The following KCND2 variants were observed in gnomAD, a reference collection of about 807,000 sequenced individuals.
KCND2 encodes A-type voltage-gated potassium channel KCND2.
Under a neutral mutation model 54.4 loss-of-function variants are expected in KCND2, and 16 were observed. The ratio of observed to expected loss-of-function variants is 0.29; its 90% CI spans 0.20 to 0.45. The LOEUF is 0.45. KCND2 is among the 20% of genes least tolerant of loss of function. The pLI is 1.00. For synonymous variants in KCND2, 317 were observed against 310.7 expected, an observed-to-expected ratio of 1.02 and a Z score of -0.21; for missense variants, 486 against 824.2, an observed-to-expected ratio of 0.59 and a Z score of 5.02.
At chr7:120,286,597 T>C (rs562053174) in intron 1 of KCND2, among the ~76,000 whole-genome samples, 8 of 152,064 alleles carry the variant, frequency 5.3e-5, no homozygotes, top group African/African-American at 1.9e-4. Flanking sequence ...AGTAGACAAT[T>C]AGGCAGGAAA....
chr7:120,709,054 A>G (rs1471395334), intron 1 of KCND2, among the ~76,000 whole-genome samples: 1 of 152,094 alleles, frequency 6.6e-6, no homozygotes, highest in Non-Finnish European at 1.5e-5. Context: ...ATTAACCACC[A>G]TGTTACCCTG....
intron 1 of KCND2, among the ~76,000 whole-genome samples, chr7:120,647,645 T>A (rs750982864): frequency 1.3e-5 from 2 of 152,250 alleles, no homozygotes; most frequent in African/African-American, 2.4e-5. Context: ...TTCATTTGCA[T>A]GAATGGCTTA....
At chr7:120,381,140 A>G (rs1316020944) in intron 1 of KCND2, among the ~76,000 whole-genome samples, 1 of 152,006 alleles carries the variant, frequency 6.6e-6, no homozygotes, top group Non-Finnish European at 1.5e-5. Flanking sequence ...CTGTAATCCC[A>G]GCTATTTGGG....
At chr7:120,492,246 G>A (rs1802793598) in intron 1 of KCND2, among the ~76,000 whole-genome samples, 1 of 151,902 alleles carries the variant, frequency 6.6e-6, no homozygotes, top group Admixed American at 6.6e-5. Flanking sequence ...AACTTAATAT[G>A]TTATTTAGAA....
chr7:120,282,078 C>T (rs1799272778), intron 1 of KCND2, among the ~76,000 whole-genome samples: 1 of 152,028 alleles, frequency 6.6e-6, no homozygotes, highest in Admixed American at 6.6e-5. Context: ...TGGTGAAGTC[C>T]AGGTAAATTG....
chr7:120,700,489 C>G (rs1005313996), intron 1 of KCND2, among the ~76,000 whole-genome samples: 3 of 152,208 alleles, frequency 2.0e-5, no homozygotes, highest in Admixed American at 6.5e-5. Context: ...CATAAACAGG[C>G]TATCTCTTAG....
chr7:120,733,112 T>G, intron 2 of KCND2, 47 bp downstream of exon 2: 2 of 1,595,512 alleles, frequency 1.3e-6, no homozygotes, highest in South Asian at 1.1e-5. Context: ...TTCCCACTTT[T>G]TATAATGAGC....
At chr7:120,680,911 G>A (rs1036241690) in intron 1 of KCND2, among the ~76,000 whole-genome samples, 1 of 139,812 alleles carries the variant, frequency 7.2e-6, no homozygotes, top group Non-Finnish European at 1.5e-5. Context: ...TACTAAATGA[G>A]AAGGAGCAGT....
intron 1 of KCND2, among the ~76,000 whole-genome samples, chr7:120,676,194 G>A (rs1215210967): frequency 1.3e-5 from 2 of 152,010 alleles, no homozygotes; most frequent in Non-Finnish European, 2.9e-5. Context: ...TTCAACAAAT[G>A]GCTGTTGTTT....
In KCND2 at chr7:120,603,077, T is replaced by A. The variant is rs573522057; in HGVS notation, c.1116-129826T>A. 1.4e-4 allele frequency among the ~76,000 whole-genome samples: 21 copies of A among 152,232 alleles called. No homozygotes were observed. The South Asian group carries it at 4.4e-3, about 32-fold the overall frequency. On this transcript the variant is annotated intron_variant, in intron 1 of 5. Transcript: ENST00000331113. ...AAATAACACTACTAAATAACACAAG[T>A]AAACGGAATGAAAAGATCTACCTTA...
chr7:120,435,215 T>C (rs561008613), intron 1 of KCND2, among the ~76,000 whole-genome samples: 11 of 151,546 alleles, frequency 7.3e-5, no homozygotes, highest in Non-Finnish European at 1.6e-4. Context: ...CAAGTGATTC[T>C]CATGCCTCAG....
chr7:120,331,227 A>G (rs951040172), intron 1 of KCND2, among the ~76,000 whole-genome samples: 2 of 152,132 alleles, frequency 1.3e-5, no homozygotes, highest in African/African-American at 2.4e-5. Context: ...CATGTTGCCC[A>G]GAACTTAAAT....
chr7:120,428,294 A>C (rs1300197247), intron 1 of KCND2, among the ~76,000 whole-genome samples: 3 of 152,244 alleles, frequency 2.0e-5, no homozygotes, highest in Non-Finnish European at 2.9e-5. Flanking sequence ...AGCCAAATGC[A>C]ATGGAACAAT....
intron 1 of KCND2, among the ~76,000 whole-genome samples, chr7:120,378,032 T>A (rs1800860635): frequency 6.6e-6 from 1 of 151,974 alleles, no homozygotes; most frequent in Non-Finnish European, 1.5e-5. Context: ...GGAGAGAGAA[T>A]GATGCATAGA....
intron 1 of KCND2, among the ~76,000 whole-genome samples, chr7:120,629,249 A>C (rs1407020130): frequency 6.6e-6 from 1 of 152,224 alleles, no homozygotes; most frequent in Non-Finnish European, 1.5e-5. Flanking sequence ...CCACTTTGGG[A>C]GGCCGAGGCA....
At chr7:120,657,838 A>C (rs1464487324) in intron 1 of KCND2, among the ~76,000 whole-genome samples, 1 of 151,998 alleles carries the variant, frequency 6.6e-6, no homozygotes. Context: ...ACAGAGTGAG[A>C]CTGAATCTCA....
At chr7:120,352,292 T>G (rs1159472865) in intron 1 of KCND2, among the ~76,000 whole-genome samples, 2 of 152,004 alleles carry the variant, frequency 1.3e-5, no homozygotes, top group Non-Finnish European at 2.9e-5. Context: ...AAAGATTTCT[T>G]TTAAAATCCG....
intron 4 of KCND2, 60 bp downstream of exon 4, chr7:120,742,662 T>C: frequency 7.7e-7 from 1 of 1,291,576 alleles, no homozygotes; most frequent in Non-Finnish European, 1.1e-6. Context: ...TTTGCTTTTG[T>C]GCATACTTAA....
chr7:120,326,623 GA>G (rs1440426299), intron 1 of KCND2, among the ~76,000 whole-genome samples: 1 of 152,032 alleles, frequency 6.6e-6, no homozygotes, highest in African/African-American at 2.4e-5. Flanking sequence ...ATTATATTCA[GA>G]TTATATGAGA....
Sources: allele counts gnomAD v4.1 joint callset (sites outside exome capture counted in the v4.1 genomes callset), GRCh38; gene constraint gnomAD v4.1.1; transcripts MANE v1.5; gene names NCBI Gene and HGNC (gene_info 2026-07-23, HGNC 2026-07-21).